The following PREX2 variants were observed in gnomAD, a reference collection of about 807,000 sequenced individuals.
The protein encoded by PREX2 is phosphatidylinositol-3,4,5-trisphosphate dependent Rac exchange factor 2.
A neutral mutation model predicts 203.2 loss-of-function variants in PREX2; 107 were observed. The observed-to-expected ratio is 0.53, with a 90% CI of 0.45 to 0.62. The LOEUF (loss-of-function observed/expected upper bound fraction) is 0.62. Among genes scored for constraint, PREX2 ranks in the 20% least tolerant of loss-of-function variants. The pLI is 0.00. For synonymous variants in PREX2, 672 were observed against 663.6 expected (o/e 1.01, Z -0.19); for missense variants, 1,777 against 1,955.9 (o/e 0.91, Z 1.72).
intron 23 of PREX2, among the ~76,000 whole-genome samples, chr8:68,104,694 T>C (rs1447911737): frequency 3.9e-5 from 6 of 152,234 alleles, no homozygotes; most frequent in African/African-American, 1.4e-4. Context: ...ACTGTTGACC[T>C]CTCCTCTCAC....
rs10581964 is a variant in PREX2 at position 68,231,477 on chromosome 8, CT to C, written c.*117del. 69,931 of 468,052 alleles carry C rather than the reference CT, an allele frequency of 0.15. 329 individuals are homozygous for C. Among genetic ancestry groups the C allele is most frequent in the Middle Eastern group, 0.18 (539 of 2,924 alleles). 29.0% of individuals were successfully genotyped at this position (468,052 alleles called of 1,614,324 possible). A position where few individuals can be genotyped will look rare whatever the true frequency, so the allele number is the denominator to read the frequency against. On this transcript the variant is annotated 3_prime_UTR_variant, in exon 40 of 40. Transcript: ENST00000288368. ...ATTCTCCACTGAAGATACATCAATG[CT>C]TTTTTTTTTTTTTTTTTCTGTAAAT...
intron 31 of PREX2, among the ~76,000 whole-genome samples, chr8:68,127,919 T>C (rs1449263497): frequency 6.6e-6 from 1 of 152,130 alleles, no homozygotes; most frequent in Non-Finnish European, 1.5e-5. Flanking sequence ...ACTGTAAATG[T>C]CATAAAGGCA....
In PREX2 at chr8:68,195,657, A is replaced by G. The variant is rs542901883; in HGVS notation, c.4604+3132A>G. On this transcript the variant is annotated intron_variant, in intron 37 of 39. Transcript: ENST00000288368. ...CAGATCCACACCTGCAAGCAACATT[A>G]AACACGGAGGTTTACCCTCAGGTTC... Among the ~76,000 whole-genome samples the G allele has an allele frequency of 2.0e-4, 31 of 152,330 alleles. 1 individual carries two copies. The highest frequency in any genetic ancestry group is 1.4e-3 in the Admixed American group (21 of 15,304).
At chr8:68,213,247 A>G (rs1812774603) in intron 37 of PREX2, among the ~76,000 whole-genome samples, 1 of 152,214 alleles carries the variant, frequency 6.6e-6, no homozygotes, top group South Asian at 2.1e-4. Context: ...ACCCAACATG[A>G]CAGAAGGAAG....
chr8:68,030,505 GAAGCGGACTCCAC>G lies in PREX2; in HGVS notation c.553_565del (p.Lys185GlyfsTer9), dbSNP rs775272468. 6.2e-7 allele frequency: 1 copy of G among 1,612,996 alleles called. No individual in the cohort carries two copies. The highest frequency in any genetic ancestry group is 8.5e-7 in the Non-Finnish European group (1 of 1,179,292). On this transcript the variant is annotated frameshift_variant, in exon 6 of 40. Coordinates refer to ENST00000288368, the MANE Select transcript of PREX2 (RefSeq NM_024870.4). LOFTEE classifies it high-confidence loss of function. ...TTTTTGTGTATAAACAGGAGTTGCT[GAAGCGGACTCCAC>G]GGAAACACAGTGACTATGCAGCAGT...
chr8:68,111,396 CT>C (rs967784708), intron 25 of PREX2, among the ~76,000 whole-genome samples: 22 of 147,824 alleles, frequency 1.5e-4, no homozygotes, highest in South Asian at 6.5e-4. Context: ...AATTTATTGA[CT>C]TTTTTTTTTA....
rs1329024973 is a variant in PREX2, at chr8:68,236,003, ATAT to A, written c.*4632_*4634del. 2.0e-5 allele frequency: 3 copies of A among 152,180 alleles called. No homozygotes were observed. The highest frequency in any genetic ancestry group is 6.6e-5 in the Admixed American group (1 of 15,262). 9.4% of individuals were successfully genotyped at this position (152,180 alleles called of 1,614,324 possible). ...TATATGTGTATGTATATGCCTATAT[ATAT>A]TATTATATTTACTAGTGTTTGTGAT... On this transcript the variant is annotated 3_prime_UTR_variant, in exon 40 of 40. Coordinates refer to ENST00000288368, the MANE Select transcript of PREX2 (RefSeq NM_024870.4).
At chr8:67,975,073 G>A (rs1421153921) in intron 1 of PREX2, among the ~76,000 whole-genome samples, 1 of 152,028 alleles carries the variant, frequency 6.6e-6, no homozygotes, top group Non-Finnish European at 1.5e-5. Flanking sequence ...TTCTTCTCAA[G>A]CCTTCCTGCA....
At chr8:68,070,483 G>A (rs1809163929) in intron 13 of PREX2, among the ~76,000 whole-genome samples, 1 of 151,948 alleles carries the variant, frequency 6.6e-6, no homozygotes, top group Admixed American at 6.6e-5. Context: ...AAAGGCAATA[G>A]AAAACTTTGA....
chr8:68,116,423 G>C (rs1018979553), intron 26 of PREX2, among the ~76,000 whole-genome samples: 1 of 152,082 alleles, frequency 6.6e-6, no homozygotes, highest in Non-Finnish European at 1.5e-5. Flanking sequence ...GATACCTTCT[G>C]TATTAGTTTT....
chr8:68,227,877 G>A (rs1487350522), intron 39 of PREX2, among the ~76,000 whole-genome samples: 1 of 152,166 alleles, frequency 6.6e-6, no homozygotes, highest in African/African-American at 2.4e-5. Flanking sequence ...ATGTTTCTTG[G>A]ACACCCTTGG....
chr8:68,002,708 T>C (rs1358313473), intron 1 of PREX2, among the ~76,000 whole-genome samples: 1 of 152,134 alleles, frequency 6.6e-6, no homozygotes, highest in Non-Finnish European at 1.5e-5. Flanking sequence ...ATGTGAGTGG[T>C]TCAAGCTGCA....
intron 33 of PREX2, among the ~76,000 whole-genome samples, chr8:68,143,661 GACAATGTCTTTTGCAGA>G (rs1158499055): frequency 1.3e-5 from 2 of 151,986 alleles, no homozygotes; most frequent in Non-Finnish European, 2.9e-5. Flanking sequence ...TCATTCTTTT[GACAATGTCTTTTGCAGA>G]ACAGAAGTTT....
chr8:67,995,536 A>G (rs993697272), intron 1 of PREX2, among the ~76,000 whole-genome samples: 5 of 152,190 alleles, frequency 3.3e-5, no homozygotes, highest in Non-Finnish European at 7.4e-5. Flanking sequence ...TGAAAAAACT[A>G]TATTTACGTT....
intron 1 of PREX2, among the ~76,000 whole-genome samples, chr8:67,976,801 G>A (rs1053246737): frequency 8.4e-4 from 111 of 132,422 alleles, no homozygotes; most frequent in African/African-American, 2.9e-3. Flanking sequence ...AGAGGGGAGA[G>A]AGAGAGAGAG....
chr8:68,071,940 T>C (rs1809207552), intron 13 of PREX2, among the ~76,000 whole-genome samples: 1 of 152,158 alleles, frequency 6.6e-6, no homozygotes, highest in Admixed American at 6.5e-5. Context: ...TAGTATAATC[T>C]ATTGTGATTT....
At chr8:68,027,154 T>C in intron 4 of PREX2, 68 bp from the exon 5 acceptor site, 1 of 1,151,582 alleles carries the variant, frequency 8.7e-7, no homozygotes, top group Non-Finnish European at 1.3e-6. Flanking sequence ...TAGCATTTTA[T>C]GGTGGAAGAA....
chr8:68,119,599 G>A lies in PREX2; in HGVS notation c.3504+85G>A, dbSNP rs1041964111. On this transcript the variant is annotated intron_variant, in intron 28 of 39. Coordinates refer to ENST00000288368, the MANE Select transcript of PREX2 (RefSeq NM_024870.4). Reference sequence around the variant, plus strand: ...TCATATGCAGTAAAAGGAGCTCAGAGTTAGAACAGAAAGGCCTCAATCTGT... The same window carrying A: ...TCATATGCAGTAAAAGGAGCTCAGAATTAGAACAGAAAGGCCTCAATCTGT... The A allele has an allele frequency of 9.3e-6, 9 of 964,494 alleles. No individual in the cohort carries two copies. The African/African-American group carries it at 1.5e-4, about 16-fold the overall frequency. 59.7% of individuals were successfully genotyped at this position (964,494 alleles called of 1,614,324 possible). A position where few individuals can be genotyped will look rare whatever the true frequency, so the allele number is the denominator to read the frequency against.
At chr8:68,081,407 C>A (rs1809519206) in intron 17 of PREX2, among the ~76,000 whole-genome samples, 1 of 152,124 alleles carries the variant, frequency 6.6e-6, no homozygotes, top group South Asian at 2.1e-4. Context: ...GATTGGGGAC[C>A]CCTGTCCTAG....
Sources: allele counts gnomAD v4.1 joint callset (sites outside exome capture counted in the v4.1 genomes callset), GRCh38; gene constraint gnomAD v4.1.1; transcripts MANE v1.5; gene names NCBI Gene and HGNC (gene_info 2026-07-23, HGNC 2026-07-21).